RHD: variants seen among roughly 807,000 people sequenced by gnomAD.
The protein encoded by RHD is Rh blood group D antigen.
Under a neutral mutation model 45.5 loss-of-function variants are expected in RHD, and 16 were observed. The ratio of observed to expected loss-of-function variants is 0.35; its 90% confidence interval spans 0.24 to 0.53. The LOEUF (loss-of-function observed/expected upper bound fraction) is 0.53. Ranked by LOEUF, RHD falls within the 20% of genes least tolerant of loss-of-function variation. The pLI is 0.92. For missense variants in RHD, 306 were observed against 532.0 expected (o/e 0.58, Z 4.18); for synonymous variants, 131 against 217.5 (o/e 0.60, Z 3.50).
rs1404449759 is a variant in RHD, at chr1:25,280,361, A to G, written c.149-4212A>G. Among the ~76,000 whole-genome samples the G allele has an allele frequency of 3.3e-5, 4 of 122,020 alleles. 1 individual carries two copies. The highest frequency in any genetic ancestry group is 1.1e-4 in the African/African-American group (4 of 35,216). 80.0% of individuals were successfully genotyped at this position (122,020 alleles called of 152,430 possible). On this transcript the variant is annotated intron_variant, in intron 1 of 9. Coordinates refer to ENST00000328664, the MANE Select transcript of RHD (RefSeq NM_016124.6). ...CACTCTGTCATCCAGGCTGGAGTACAGTGGTGCGATCTCGGCTCACTGCAA... is the reference window on the plus strand; with the variant it reads ...CACTCTGTCATCCAGGCTGGAGTACGGTGGTGCGATCTCGGCTCACTGCAA...
Position 25,279,210 on chromosome 1 carries a change from G to A in RHD, c.149-5363G>A, listed in dbSNP as rs536482978. Among the ~76,000 whole-genome samples the A allele has an allele frequency of 3.2e-5, 4 of 126,010 alleles. 1 individual carries two copies. In the South Asian group the frequency reaches 7.4e-4, roughly 23 times the overall value. The allele number at this position is 126,010 out of a possible 152,430, so 82.7% of individuals were successfully genotyped here. Reference sequence around the variant, plus strand: ...GAGCAGTCTTGCCTAAAGTCACACCGCTAATCAGCGGCCGGCACGGGGTAA... The same window carrying A: ...GAGCAGTCTTGCCTAAAGTCACACCACTAATCAGCGGCCGGCACGGGGTAA... On this transcript the variant is annotated intron_variant, in intron 1 of 9. Transcript: ENST00000328664.
At position 25,300,730 on chromosome 1, in the gene RHD, A is replaced by G. The variant is rs1418739852; in HGVS notation, c.487-216A>G. Among the ~76,000 whole-genome samples the G allele has an allele frequency of 1.5e-4, 20 of 131,626 alleles. 4 individuals carry two copies. Among genetic ancestry groups the G allele is most frequent in the Admixed American group, 1.2e-3 (17 of 13,668 alleles). The allele number at this position is 131,626 out of a possible 152,430, so 86.4% of individuals were successfully genotyped here. A position where few individuals can be genotyped will look rare whatever the true frequency, so the allele number is the denominator to read the frequency against. ...AAGCTGAGGCAGGAGAATCGCGTGA[A>G]CCTGGGAGGCAAATGTTCCAGTGAG... On this transcript the variant is annotated intron_variant, in intron 3 of 9. Coordinates refer to ENST00000328664, the MANE Select transcript of RHD (RefSeq NM_016124.6).
At position 25,306,484 on chromosome 1, in the gene RHD, C is replaced by T. The variant is rs188463150; in HGVS notation, c.940-112C>T. ...CTGAGAAGGGCTTCTTTGAGGTGAGCCTTAGTGCCCATCCCCCTTTGGTGG... is the reference window on the plus strand; with the variant it reads ...CTGAGAAGGGCTTCTTTGAGGTGAGTCTTAGTGCCCATCCCCCTTTGGTGG... On this transcript the variant is annotated intron_variant, in intron 6 of 9. Coordinates refer to ENST00000328664, the MANE Select transcript of RHD (RefSeq NM_016124.6). 2.6e-4 allele frequency: 272 copies of T among 1,028,236 alleles called. 20 individuals carry two copies. The East Asian group carries it at 5.7e-3, about 21-fold the overall frequency. 63.7% of individuals were successfully genotyped at this position (1,028,236 alleles called of 1,614,324 possible).
chr1:25,283,041 G>T (rs1641641475), intron 1 of RHD, among the ~76,000 whole-genome samples: 1 of 133,110 alleles, frequency 7.5e-6, no homozygotes, highest in Non-Finnish European at 1.8e-5. Context: ...ATTCATGTGC[G>T]AAAACAGTTG....
rs1457341972 is a variant in RHD, at chr1:25,276,891, C to A, written c.148+4196C>A. Among the ~76,000 whole-genome samples, 2 of 130,456 alleles carry A rather than the reference C, an allele frequency of 1.5e-5. 1 individual carries two copies. The highest frequency in any genetic ancestry group is 5.2e-5 in the African/African-American group (2 of 38,204). 85.6% of individuals were successfully genotyped at this position (130,456 alleles called of 152,430 possible). A position where few individuals can be genotyped will look rare whatever the true frequency, so the allele number is the denominator to read the frequency against. ...ACCATCCTGGCTAACACGATGAAACCCCATCTCTACCAAAAATACAAAAAA... is the reference window on the plus strand; with the variant it reads ...ACCATCCTGGCTAACACGATGAAACACCATCTCTACCAAAAATACAAAAAA... On this transcript the variant is annotated intron_variant, in intron 1 of 9. Transcript: ENST00000328664.
At chr1:25,304,392 A>G (rs1643630015) in intron 6 of RHD, 1 of 126,764 alleles carries the variant, frequency 7.9e-6, no homozygotes, top group Non-Finnish European at 1.8e-5. Context: ...TGAGGTCAGG[A>G]GTTCAAGACC....
In RHD at chr1:25,290,762, C is replaced by T; in HGVS notation, c.457C>T (p.Leu153=). The T allele has an allele frequency of 2.9e-6, 4 of 1,377,084 alleles. 1 individual carries two copies. The highest frequency in any genetic ancestry group is 2.2e-5 in the East Asian group (1 of 44,624). 85.3% of individuals were successfully genotyped at this position (1,377,084 alleles called of 1,614,324 possible). Residue 153 remains leucine, a synonymous_variant, in exon 3 of 10, where the codon CTG becomes TTG. Transcript: ENST00000328664. ...VLVEVTALGN[L]RMVISNIFNT... ...GGTGGAGGTGACAGCTTTAGGCAAC[C>T]TGAGGATGGTCATCAGTAATATCTT...
At position 25,329,072 on chromosome 1, in the gene RHD, C is replaced by G. The variant is rs758070716; in HGVS notation, c.*148C>G. On this transcript the variant is annotated 3_prime_UTR_variant, in exon 10 of 10. Transcript: ENST00000328664. Reference sequence around the variant, plus strand: ...GGAGTCAGAGAAAATGGAGTTGAATCCTTTCTCTGCCACTCTTTGAGGAGA... The same window carrying G: ...GGAGTCAGAGAAAATGGAGTTGAATGCTTTCTCTGCCACTCTTTGAGGAGA... The G allele has an allele frequency of 7.6e-7, 1 of 1,321,884 alleles. No individual in the cohort carries two copies. The highest frequency in any genetic ancestry group is 1.9e-5 in the Admixed American group (1 of 52,910). 81.9% of individuals were successfully genotyped at this position (1,321,884 alleles called of 1,614,324 possible). A position where few individuals can be genotyped will look rare whatever the true frequency, so the allele number is the denominator to read the frequency against.
At chr1:25,280,799 C>A (rs1398644291) in intron 1 of RHD, among the ~76,000 whole-genome samples, 1 of 130,776 alleles carries the variant, frequency 7.6e-6, no homozygotes, top group South Asian at 2.3e-4. Context: ...TTTGTAGAGA[C>A]AAGGTCTTGC....
intron 8 of RHD, among the ~76,000 whole-genome samples, chr1:25,321,674 T>TAAAATA (rs372082737): frequency 1.1e-5 from 1 of 91,228 alleles, no homozygotes; most frequent in Admixed American, 1.2e-4. Context: ...TGTCTCAAAA[T>TAAAATA]AAATAAAATA....
At position 25,314,342 on chromosome 1, in the gene RHD, GC is replaced by G. The variant is rs1644321740; in HGVS notation, c.1074-2657del. 1.5e-5 allele frequency among the ~76,000 whole-genome samples: 2 copies of G among 132,526 alleles called. 1 individual carries two copies. Among genetic ancestry groups the G allele is most frequent in the Non-Finnish European group, 3.6e-5 (2 of 55,940 alleles). The allele number at this position is 132,526 out of a possible 152,430, so 86.9% of individuals were successfully genotyped here. A position where few individuals can be genotyped will look rare whatever the true frequency, so the allele number is the denominator to read the frequency against. On this transcript the variant is annotated intron_variant, in intron 7 of 9. Coordinates refer to ENST00000328664, the MANE Select transcript of RHD (RefSeq NM_016124.6). ...TAACTAAATGGAGCACTTTTAATAT[GC>G]TTTTTGGACAGTTGAATATCTTTTC... is the stretch of plus-strand genomic sequence containing the variant.
At chr1:25,296,581 C>A (rs1317855043) in intron 3 of RHD, among the ~76,000 whole-genome samples, 1 of 130,180 alleles carries the variant, frequency 7.7e-6, no homozygotes, top group Non-Finnish European at 1.8e-5. Context: ...GTTCTGTATC[C>A]CCCTCCAATC....
In RHD at chr1:25,308,882, G is replaced by C. The variant is rs369127976; in HGVS notation, c.1073+2153G>C. ...GTCATGCAGCCTTAGTCCTGGTACT[G>C]AAACTCTCTAAATCTCAGTTTTCTA... On this transcript the variant is annotated intron_variant, in intron 7 of 9. Coordinates refer to ENST00000328664, the MANE Select transcript of RHD (RefSeq NM_016124.6). 1.3e-3 allele frequency among the ~76,000 whole-genome samples: 172 copies of C among 130,938 alleles called. 17 individuals carry two copies. The highest frequency in any genetic ancestry group is 2.9e-3 in the African/African-American group (111 of 37,634). The allele number at this position is 130,938 out of a possible 152,430, so 85.9% of individuals were successfully genotyped here.
intron 1 of RHD, among the ~76,000 whole-genome samples, chr1:25,282,722 C>T (rs568237896): frequency 1.5e-5 from 2 of 130,882 alleles, no homozygotes; most frequent in East Asian, 2.0e-4. Flanking sequence ...GTCAGGAGTT[C>T]GAGACCAGCT....
rs749917463 is a variant in RHD at position 25,284,662 on chromosome 1, A to G, written c.238A>G (p.Asn80Asp). The G allele has an allele frequency of 2.9e-6, 4 of 1,388,678 alleles. No homozygotes were observed. The highest frequency in any genetic ancestry group is 4.1e-6 in the Non-Finnish European group (4 of 985,560). The allele number at this position is 1,388,678 out of a possible 1,614,324, so 86.0% of individuals were successfully genotyped here. A position where few individuals can be genotyped will look rare whatever the true frequency, so the allele number is the denominator to read the frequency against. ...RRHSWSSVAFNLFMLALGVQW... is the reference protein window; with the variant it reads ...RRHSWSSVAFDLFMLALGVQW... ...ACACAGCTGGAGCAGTGTGGCCTTCAACCTCTTCATGCTGGCGCTTGGTGT... is the reference window on the plus strand; with the variant it reads ...ACACAGCTGGAGCAGTGTGGCCTTCGACCTCTTCATGCTGGCGCTTGGTGT... Residue 80 changes from asparagine to aspartate, a missense_variant, in exon 2 of 10, where the codon AAC becomes GAC. Transcript: ENST00000328664.
intron 3 of RHD, among the ~76,000 whole-genome samples, chr1:25,292,724 A>C (rs1477183728): frequency 7.9e-6 from 1 of 126,786 alleles, no homozygotes; most frequent in African/African-American, 2.7e-5. Context: ...TCTGAAGCTT[A>C]GTGGAAAGGT....
Position 25,299,663 on chromosome 1 carries a change from C to T in RHD, c.487-1283C>T, listed in dbSNP as rs546524457. 1.8e-4 allele frequency among the ~76,000 whole-genome samples: 23 copies of T among 131,366 alleles called. 4 individuals carry two copies. The highest frequency in any genetic ancestry group is 1.0e-3 in the Admixed American group (14 of 13,558). 86.2% of individuals were successfully genotyped at this position (131,366 alleles called of 152,430 possible). A position where few individuals can be genotyped will look rare whatever the true frequency, so the allele number is the denominator to read the frequency against. On this transcript the variant is annotated intron_variant, in intron 3 of 9. Transcript: ENST00000328664. ...CAGGTGAGAGTGGATCCTGCAGGGT[C>T]GTGGCAAGAACCTGGACCTTGACTT...
chr1:25,308,541 T>A lies in RHD; in HGVS notation c.1073+1812T>A, dbSNP rs1350689785. Reference sequence around the variant, plus strand: ...CTTTCCAAGAAAATAAAGCCTTGATTGGTAGCACTTGCAATTTCTATGGTA... The same window carrying A: ...CTTTCCAAGAAAATAAAGCCTTGATAGGTAGCACTTGCAATTTCTATGGTA... On this transcript the variant is annotated intron_variant, in intron 7 of 9. Transcript: ENST00000328664. 1.5e-5 allele frequency among the ~76,000 whole-genome samples: 2 copies of A among 132,138 alleles called. 1 individual carries two copies. Among genetic ancestry groups the A allele is most frequent in the Non-Finnish European group, 3.6e-5 (2 of 55,980 alleles). 86.7% of individuals were successfully genotyped at this position (132,138 alleles called of 152,430 possible). A position where few individuals can be genotyped will look rare whatever the true frequency, so the allele number is the denominator to read the frequency against.
chr1:25,282,820 G>A lies in RHD; in HGVS notation c.149-1753G>A, dbSNP rs1159463071. 6.2e-5 allele frequency among the ~76,000 whole-genome samples: 8 copies of A among 129,708 alleles called. 1 individual carries two copies. Among genetic ancestry groups the A allele is most frequent in the Non-Finnish European group, 9.1e-5 (5 of 54,732 alleles). The allele number at this position is 129,708 out of a possible 152,430, so 85.1% of individuals were successfully genotyped here. A position where few individuals can be genotyped will look rare whatever the true frequency, so the allele number is the denominator to read the frequency against. On this transcript the variant is annotated intron_variant, in intron 1 of 9. Coordinates refer to ENST00000328664, the MANE Select transcript of RHD (RefSeq NM_016124.6). The stretch of plus-strand genomic sequence containing the variant: ...TGAAGCACAAGAATCACTTGAACCC[G>A]GGAGGTGGAGGTTGCAGCGAGCCGA...
Sources: gnomAD v4.1 joint callset for allele counts (sites outside exome capture counted in the v4.1 genomes callset) on GRCh38, gnomAD v4.1.1 for gene constraint, MANE v1.5 for transcripts, NCBI Gene and HGNC (gene_info 2026-07-23, HGNC 2026-07-21) for gene names.